TTC7B: variants seen among roughly 807,000 people sequenced by gnomAD.
TTC7B encodes the protein tetratricopeptide repeat protein 7B.
Under a neutral mutation model 106.8 loss-of-function variants are expected in TTC7B, and 28 were observed. That is an observed-to-expected ratio of 0.26 (90% CI 0.19 to 0.36). The LOEUF (loss-of-function observed/expected upper bound fraction) is 0.36. Ranked by LOEUF, TTC7B falls within the 10% of genes least tolerant of loss-of-function variation. TTC7B has a pLI of 1.00. For missense variants in TTC7B, 862 were observed against 1,076.4 expected (o/e 0.80, Z 2.79); for synonymous variants, 405 against 430.6 (o/e 0.94, Z 0.74).
chr14:90,676,700 C>A, intron 8 of TTC7B, 40 bp from the exon 9 acceptor site: 1 of 1,602,782 alleles, frequency 6.2e-7, no homozygotes, highest in Non-Finnish European at 8.5e-7. Context: ...GGAGAGAGAA[C>A]CTAGTGCTGC....
intron 1 of TTC7B, among the ~76,000 whole-genome samples, chr14:90,791,427 A>G (rs1465881570): frequency 6.6e-6 from 1 of 152,194 alleles, no homozygotes; most frequent in Non-Finnish European, 1.5e-5. Flanking sequence ...CCCCAGGGTT[A>G]GGGCGGTCAT....
chr14:90,688,622 A>C (rs1258579349), intron 7 of TTC7B, among the ~76,000 whole-genome samples: 1 of 2,948 alleles, frequency 3.4e-4, no homozygotes, highest in African/African-American at 8.4e-4. Context: ...GCTCTGTCTC[A>C]AAAAAAAAAA....
At chr14:90,639,610 T>C (rs2139874865) in intron 15 of TTC7B, among the ~76,000 whole-genome samples, 1 of 152,326 alleles carries the variant, frequency 6.6e-6, no homozygotes, top group Non-Finnish European at 1.5e-5. Flanking sequence ...ACAACCCCTT[T>C]GAAAAACAGT....
chr14:90,701,804 A>G (rs999650014), intron 5 of TTC7B, among the ~76,000 whole-genome samples: 4 of 149,732 alleles, frequency 2.7e-5, no homozygotes, highest in African/African-American at 9.8e-5. Context: ...GTGTATATAT[A>G]TATATATATA....
chr14:90,634,782 C>G (rs968955365), intron 15 of TTC7B, among the ~76,000 whole-genome samples: 13 of 151,642 alleles, frequency 8.6e-5, no homozygotes, highest in African/African-American at 3.1e-4. Context: ...AAAAACAAAA[C>G]AAAACAAAAA....
At chr14:90,811,217 T>C (rs898289662) in intron 1 of TTC7B, among the ~76,000 whole-genome samples, 3 of 152,188 alleles carry the variant, frequency 2.0e-5, no homozygotes, top group African/African-American at 4.8e-5. Context: ...GGTCTTCTGA[T>C]GACAAGAGGA....
chr14:90,596,001 G>A (rs958473859), intron 17 of TTC7B, among the ~76,000 whole-genome samples: 2 of 152,130 alleles, frequency 1.3e-5, no homozygotes, highest in Non-Finnish European at 2.9e-5. Context: ...TAGAACAGGG[G>A]TTCTTAGACT....
chr14:90,640,489 A>T (rs1271592752), intron 15 of TTC7B, among the ~76,000 whole-genome samples: 1 of 151,994 alleles, frequency 6.6e-6, no homozygotes, highest in Non-Finnish European at 1.5e-5. Flanking sequence ...GTATATATGT[A>T]TAAATAAATC....
intron 16 of TTC7B, among the ~76,000 whole-genome samples, chr14:90,616,504 C>G (rs4904709): frequency 6.6e-6 from 1 of 150,766 alleles, no homozygotes; most frequent in Non-Finnish European, 1.5e-5. Context: ...AAGGGGACTT[C>G]CAGCTGGGGG....
chr14:90,569,478 G>A (rs977167987), intron 19 of TTC7B, among the ~76,000 whole-genome samples: 1 of 152,202 alleles, frequency 6.6e-6, no homozygotes, highest in South Asian at 2.1e-4. Context: ...GAGGGAGGAG[G>A]GGCCTGATGT....
intron 1 of TTC7B, among the ~76,000 whole-genome samples, chr14:90,811,280 A>G (rs1011481310): frequency 3.3e-5 from 5 of 152,242 alleles, no homozygotes; most frequent in Non-Finnish European, 7.3e-5. Context: ...ATAGTGGGTC[A>G]CCAGAGATCT....
chr14:90,593,402 A>G, intron 18 of TTC7B, 84 bp downstream of exon 18: 2 of 1,468,608 alleles, frequency 1.4e-6, no homozygotes, highest in Non-Finnish European at 1.8e-6. Context: ...ACAAGCGCCC[A>G]GGCTCTGGCA....
At position 90,608,624 on chromosome 14, in the gene TTC7B, G is replaced by A. The variant is rs183155410; in HGVS notation, c.1966+2118C>T. 8.5e-5 allele frequency among the ~76,000 whole-genome samples: 13 copies of A among 152,212 alleles called. No homozygotes were observed. Among genetic ancestry groups the A allele is most frequent in the African/African-American group, 2.6e-4 (11 of 41,518 alleles). ...AGAGGGGGAGGAGGAAGACCCGGGG[G>A]CCAGGCCCAACCCAGGGCAGTGACA... On this transcript the variant is annotated intron_variant, in intron 17 of 19. Coordinates refer to ENST00000328459, the MANE Select transcript of TTC7B (RefSeq NM_001010854.2). This position sits in a 1 kb window ranked among gnomAD's most constrained non-coding sequence, Gnocchi z 5.1.
rs941199763 is a variant in TTC7B, at chr14:90,527,625, T to A, written c.*13743A>T. ...CCCAGGTGGGAGTGCAATGGCGCCA[T>A]CTCGGCTCACTGCAAGCTCTGCTTC... On this transcript the variant is annotated 3_prime_UTR_variant, in exon 20 of 20. Coordinates refer to ENST00000328459, the MANE Select transcript of TTC7B (RefSeq NM_001010854.2). The A allele has an allele frequency of 1.3e-5, 2 of 150,158 alleles. No homozygotes were observed. The highest frequency in any genetic ancestry group is 1.3e-4 in the Admixed American group (2 of 15,008). 9.3% of individuals were successfully genotyped at this position (150,158 alleles called of 1,614,324 possible).
intron 5 of TTC7B, among the ~76,000 whole-genome samples, chr14:90,707,494 C>T (rs1888256840): frequency 6.6e-6 from 1 of 152,184 alleles, no homozygotes; most frequent in African/African-American, 2.4e-5. Context: ...TGCCAAAAGC[C>T]AAGATGGGCT....
intron 5 of TTC7B, among the ~76,000 whole-genome samples, chr14:90,707,806 G>A (rs1439209737): frequency 1.3e-5 from 2 of 152,190 alleles, no homozygotes; most frequent in African/African-American, 4.8e-5. Flanking sequence ...GAACCTGGCA[G>A]AGGCTGGTTT....
In TTC7B at chr14:90,741,189, G is replaced by A. The variant is rs17126998; in HGVS notation, c.576+3603C>T. On this transcript the variant is annotated intron_variant, in intron 4 of 19. Transcript: ENST00000328459. ...TCGAGGGGAAGCCAGGTCAGTCCTC[G>A]TTCTGAAGTGTCACTGCCCTTCAGG... is the stretch of plus-strand genomic sequence containing the variant. Among the ~76,000 whole-genome samples the A allele has an allele frequency of 1.0e-2, 1,516 of 152,244 alleles. 46 individuals carry two copies. In the East Asian group the frequency reaches 0.12, roughly 12 times the overall value.
intron 4 of TTC7B, among the ~76,000 whole-genome samples, chr14:90,735,906 T>A (rs1020913019): frequency 1.3e-5 from 2 of 152,080 alleles, no homozygotes; most frequent in African/African-American, 4.8e-5. Flanking sequence ...TAGAATGAGA[T>A]AAGAACAAAG....
intron 9 of TTC7B, among the ~76,000 whole-genome samples, chr14:90,669,845 A>C (rs1886565323): frequency 6.6e-6 from 1 of 152,262 alleles, no homozygotes; most frequent in Admixed American, 6.5e-5. Context: ...TAAAAATGGT[A>C]CAGTCACTGT....
Sources: gnomAD v4.1 joint callset for allele counts (sites outside exome capture counted in the v4.1 genomes callset) on GRCh38, gnomAD v4.1.1 for gene constraint, Gnocchi (gnomAD v3.1) non-coding constraint, MANE v1.5 for transcripts, NCBI Gene and HGNC (gene_info 2026-07-23, HGNC 2026-07-21) for gene names.